Variants in SMARCB1 observed in about 807,000 individuals in gnomAD.
The protein encoded by SMARCB1 is SWI/SNF related BAF chromatin remodeling complex subunit B1.
A neutral mutation model predicts 49.0 loss-of-function variants in SMARCB1; 5 were observed. That is an observed-to-expected ratio of 0.10 (90% CI 0.05 to 0.21). The LOEUF (loss-of-function observed/expected upper bound fraction) is 0.21. Among genes scored for constraint, SMARCB1 ranks in the 10% least tolerant of loss-of-function variants. The probability of loss-of-function intolerance (pLI) is 1.00; values close to 1 mark genes in which losing one functional copy is unlikely to be tolerated. For missense variants in SMARCB1, 226 were observed against 509.2 expected (o/e 0.44, Z 5.35); for synonymous variants, 201 against 200.1 (o/e 1.00, Z -0.04).
At chr22:23,830,480 AT>A (rs1338318650) in intron 7 of SMARCB1, among the ~76,000 whole-genome samples, 2 of 151,928 alleles carry the variant, frequency 1.3e-5, no homozygotes, top group Non-Finnish European at 2.9e-5. Flanking sequence ...ATTGGGTTTT[AT>A]TTTATTGTTG....
chr22:23,800,958 A>G lies in SMARCB1; in HGVS notation c.377A>G (p.Lys126Arg). 1 of 1,613,812 alleles carries G rather than the reference A, an allele frequency of 6.2e-7. No homozygotes were observed. The highest frequency in any genetic ancestry group is 8.5e-7 in the Non-Finnish European group (1 of 1,179,666). Residue 126 changes from lysine to arginine, a missense_variant, in exon 4 of 9, where the codon AAG (lysine) becomes AGG (arginine). This residue lies in a region of SMARCB1 where 128 missense variants were observed against 263.9 expected (regional missense o/e 0.49). Transcript: ENST00000644036. ...PPTYLREQKA[K>R]RNSQWVPTLP... Reference sequence around the variant, plus strand: ...TATCTCCTCAGGGAACAGAAGGCCAAGAGGAACAGCCAGTGGGTACCCACC... The same window carrying G: ...TATCTCCTCAGGGAACAGAAGGCCAGGAGGAACAGCCAGTGGGTACCCACC...
chr22:23,811,909 A>G (rs898600256), intron 5 of SMARCB1, among the ~76,000 whole-genome samples: 1 of 152,224 alleles, frequency 6.6e-6, no homozygotes, highest in Non-Finnish European at 1.5e-5. Flanking sequence ...TTTTTGAAAA[A>G]TTAATAAAAC....
intron 1 of SMARCB1, among the ~76,000 whole-genome samples, chr22:23,789,128 C>T (rs1014711776): frequency 6.6e-6 from 1 of 152,284 alleles, no homozygotes; most frequent in African/African-American, 2.4e-5. Flanking sequence ...CGATTATAGG[C>T]GTGAGCCACT....
chr22:23,829,893 A>G (rs2030568834), intron 7 of SMARCB1, among the ~76,000 whole-genome samples: 1 of 152,196 alleles, frequency 6.6e-6, no homozygotes, highest in Non-Finnish European at 1.5e-5. Flanking sequence ...CGGGTACTTC[A>G]TAGAAATGGA....
chr22:23,810,017 A>G (rs186867238), intron 5 of SMARCB1, among the ~76,000 whole-genome samples: 2 of 150,812 alleles, frequency 1.3e-5, no homozygotes, highest in African/African-American at 4.9e-5. Flanking sequence ...AAAAATACAA[A>G]AACAATTAGC....
chr22:23,799,708 G>T (rs1311720188), intron 3 of SMARCB1, among the ~76,000 whole-genome samples: 1 of 66,046 alleles, frequency 1.5e-5, no homozygotes, highest in African/African-American at 7.5e-5. Flanking sequence ...TTTTTGAGAC[G>T]GAGTCTTGCT....
At chr22:23,803,076 G>A in intron 4 of SMARCB1, 2 of 644,476 alleles carry the variant, frequency 3.1e-6, no homozygotes, top group Admixed American at 4.7e-5. Flanking sequence ...TTCTATTGCA[G>A]ACAGACTGGT....
At position 23,835,349 on chromosome 22, in the gene SMARCB1, C is replaced by T. The variant is rs2030961525; in HGVS notation, c.*1169C>T. On this transcript the variant is annotated 3_prime_UTR_variant, in exon 9 of 9. Coordinates refer to ENST00000644036, the MANE Select transcript of SMARCB1 (RefSeq NM_003073.5). ...ACAGATCCGGGCACAGATCCCAGCACAGACTGCTGCCACCCTCAGCTGTTG... is the reference window on the plus strand; with the variant it reads ...ACAGATCCGGGCACAGATCCCAGCATAGACTGCTGCCACCCTCAGCTGTTG... 1 of 995,836 alleles carries T rather than the reference C, an allele frequency of 1.0e-6. No individual in the cohort carries two copies. The highest frequency in any genetic ancestry group is 1.2e-6 in the Non-Finnish European group (1 of 837,396). 61.7% of individuals were successfully genotyped at this position (995,836 alleles called of 1,614,324 possible).
chr22:23,801,401 T>G, intron 4 of SMARCB1: 1 of 651,730 alleles, frequency 1.5e-6, no homozygotes. Flanking sequence ...AGTCTGATGG[T>G]GCAGATGCCA....
At chr22:23,800,480 G>A (rs955727432) in intron 3 of SMARCB1, among the ~76,000 whole-genome samples, 5 of 152,100 alleles carry the variant, frequency 3.3e-5, no homozygotes, top group South Asian at 2.1e-4. Context: ...GTCATCTCAC[G>A]GAGCATGTGA....
At chr22:23,832,218 C>A (rs1463504813) in intron 7 of SMARCB1, among the ~76,000 whole-genome samples, 4 of 150,586 alleles carry the variant, frequency 2.7e-5, no homozygotes, top group African/African-American at 9.8e-5. Context: ...CCTTGAGCCA[C>A]CCACTACAGG....
At chr22:23,789,954 G>T (rs1424550062) in intron 1 of SMARCB1, among the ~76,000 whole-genome samples, 1 of 152,192 alleles carries the variant, frequency 6.6e-6, no homozygotes, top group Non-Finnish European at 1.5e-5. Flanking sequence ...CTAAGAGTGT[G>T]TGTCACTGTT....
At chr22:23,809,600 A>T (rs1028018548) in intron 5 of SMARCB1, among the ~76,000 whole-genome samples, 1 of 151,278 alleles carries the variant, frequency 6.6e-6, no homozygotes, top group African/African-American at 2.4e-5. Context: ...TTTAGTAGAG[A>T]CGGGGTTTCA....
chr22:23,793,173 TC>T (rs1928508684), intron 2 of SMARCB1: 1 of 342,660 alleles, frequency 2.9e-6, no homozygotes, highest in African/African-American at 2.1e-5. Context: ...TCAGACCTCT[TC>T]CCACTGGGGT....
chr22:23,788,195 T>G (rs1028787652), intron 1 of SMARCB1, among the ~76,000 whole-genome samples: 16 of 152,058 alleles, frequency 1.1e-4, no homozygotes, highest in Admixed American at 3.3e-4. Flanking sequence ...TTTTACAGAT[T>G]GTCTCAAACT....
chr22:23,801,976 TC>T (rs1929183103), intron 4 of SMARCB1: 1 of 157,986 alleles, frequency 6.3e-6, no homozygotes, highest in African/African-American at 2.4e-5. Flanking sequence ...TAGGTTTCTT[TC>T]CCAAGGCCTG....
At chr22:23,796,068 C>T (rs987720586) in intron 3 of SMARCB1, among the ~76,000 whole-genome samples, 4 of 152,262 alleles carry the variant, frequency 2.6e-5, no homozygotes, top group Non-Finnish European at 5.9e-5. Context: ...GGTGGGATTA[C>T]AGGTGTGAGC....
At position 23,837,652 on chromosome 22, in the gene SMARCB1, G is replaced by A; in HGVS notation, c.*3472G>A. On this transcript the variant is annotated 3_prime_UTR_variant, in exon 9 of 9. Transcript: ENST00000644036. Reference sequence around the variant, plus strand: ...CTGGGGCGGACTAGATGTACCGGGAGGCTCACCCAGCAGGTCCACGAGGAT... The same window carrying A: ...CTGGGGCGGACTAGATGTACCGGGAAGCTCACCCAGCAGGTCCACGAGGAT... 1 of 1,610,980 alleles carries A rather than the reference G, an allele frequency of 6.2e-7. No individual in the cohort carries two copies. The highest frequency in any genetic ancestry group is 1.1e-5 in the South Asian group (1 of 90,924).
At chr22:23,787,843 A>G (rs1358798708) in intron 1 of SMARCB1, among the ~76,000 whole-genome samples, 1 of 152,212 alleles carries the variant, frequency 6.6e-6, no homozygotes, top group Non-Finnish European at 1.5e-5. Flanking sequence ...TGCCTAAGCT[A>G]GATCTTTCAG....
Sources: allele counts gnomAD v4.1 joint callset (sites outside exome capture counted in the v4.1 genomes callset), GRCh38; gene constraint gnomAD v4.1.1; regional missense constraint gnomAD v4.1.1; transcripts MANE v1.5; gene names NCBI Gene and HGNC (gene_info 2026-07-23, HGNC 2026-07-21).